Variants in GGA3 observed in about 807,000 individuals in gnomAD.
The protein encoded by GGA3 is ADP-ribosylation factor-binding protein GGA3.
GGA3 carries 57 observed loss-of-function variants against 77.5 expected under a neutral mutation model. That is an observed-to-expected ratio of 0.74 (90% CI 0.59 to 0.92). The LOEUF (loss-of-function observed/expected upper bound fraction) is 0.92. Among genes scored for constraint, GGA3 ranks in the 40% least tolerant of loss-of-function variants. The pLI, the probability that GGA3 is intolerant of heterozygous loss-of-function variation, is 0.00. For missense variants in GGA3, 970 were observed against 914.9 expected (o/e 1.06, Z -0.78); for synonymous variants, 416 against 383.7 (o/e 1.08, Z -0.98).
Position 75,238,185 on chromosome 17 carries a change from G to A in GGA3, c.*94C>T. 1 of 1,534,788 alleles carries A rather than the reference G, an allele frequency of 6.5e-7. No individual in the cohort carries two copies. Among genetic ancestry groups the A allele is most frequent in the South Asian group, 1.3e-5 (1 of 78,632 alleles). On this transcript the variant is annotated 3_prime_UTR_variant, in exon 17 of 17. Coordinates refer to ENST00000537686, the MANE Select transcript of GGA3 (RefSeq NM_138619.4). ...GTTCCACATCAAAGCTACAAGCACT[G>A]TTGTCAGGGCATGGAGAGTGACGGG...
At position 75,251,706 on chromosome 17, in the gene GGA3, C is replaced by CAAAA. The variant is rs35924573; in HGVS notation, c.41-4914_41-4911dup. On this transcript the variant is annotated intron_variant, in intron 1 of 16. Coordinates refer to ENST00000537686, the MANE Select transcript of GGA3 (RefSeq NM_138619.4). Reference sequence around the variant, plus strand: ...GGGCGACTAGAGTGAGACTCCTTCTCAAAAAAAAAAAAAAAAAAAAAAGCA... The same window carrying CAAAA: ...GGGCGACTAGAGTGAGACTCCTTCTCAAAAAAAAAAAAAAAAAAAAAAAAAAGCA... Among the ~76,000 whole-genome samples, 251 of 68,148 alleles carry CAAAA rather than the reference C, an allele frequency of 3.7e-3. 4 individuals are homozygous for CAAAA. Among genetic ancestry groups the CAAAA allele is most frequent in the African/African-American group, 0.013 (245 of 19,574 alleles). 44.7% of individuals were successfully genotyped at this position (68,148 alleles called of 152,430 possible).
upstream of GGA3, chr17:75,261,787 A>C (rs1239000168): frequency 8.1e-6 from 10 of 1,233,636 alleles, no homozygotes; most frequent in Non-Finnish European, 1.1e-5. Flanking sequence ...TAACGTCCAG[A>C]TCAGTGGAGA....
At chr17:75,249,443 T>A (rs2076884824) in intron 1 of GGA3, among the ~76,000 whole-genome samples, 1 of 152,218 alleles carries the variant, frequency 6.6e-6, no homozygotes, top group Non-Finnish European at 1.5e-5. Context: ...GGGAGTTAAA[T>A]GTAATCAAGG....
chr17:75,239,941 G>C lies in GGA3; in HGVS notation c.1431C>G (p.Pro477=), dbSNP rs1157507443. 3 of 1,590,540 alleles carry C rather than the reference G, an allele frequency of 1.9e-6. No homozygotes were observed. The highest frequency in any genetic ancestry group is 2.6e-6 in the Non-Finnish European group (3 of 1,168,944). Residue 477 remains proline (P), a synonymous_variant, in exon 13 of 17, where the codon CCC becomes CCG. Coordinates refer to ENST00000537686, the MANE Select transcript of GGA3 (RefSeq NM_138619.4). ...APVVPASVPA[P]SAGSSLFSTG... The stretch of plus-strand genomic sequence containing the variant: ...TAGAAAACAAGGAGGAGCCCGCACT[G>C]GGGGCAGGAACACTGGCTGGGACCA...
chr17:75,248,685 C>G (rs2076845458), intron 1 of GGA3, among the ~76,000 whole-genome samples: 1 of 151,350 alleles, frequency 6.6e-6, no homozygotes, highest in African/African-American at 2.4e-5. Context: ...ACTCAGGAGG[C>G]TGAGGCAGGA....
At chr17:75,245,892 T>C (rs924684984) in intron 3 of GGA3, among the ~76,000 whole-genome samples, 3 of 152,190 alleles carry the variant, frequency 2.0e-5, no homozygotes, top group Non-Finnish European at 4.4e-5. Flanking sequence ...CCAGATGATA[T>C]TTCCTCTTTT....
In GGA3 at chr17:75,261,602, GC is replaced by G; in HGVS notation, c.-16del. ...GCCTCCGCCATATTGCAGCCGCCCG[GC>G]CCCGCGGCTTCAAAACTCGCGAGAG... On this transcript the variant is annotated 5_prime_UTR_variant, in exon 1 of 17. Coordinates refer to ENST00000537686, the MANE Select transcript of GGA3 (RefSeq NM_138619.4). 6.5e-7 allele frequency: 1 copy of G among 1,541,194 alleles called. No homozygotes were observed. Among genetic ancestry groups the G allele is most frequent in the Non-Finnish European group, 8.7e-7 (1 of 1,144,116 alleles).
upstream of GGA3, chr17:75,262,109 G>A: frequency 1.7e-6 from 2 of 1,150,322 alleles, no homozygotes; most frequent in Non-Finnish European, 2.5e-6. Flanking sequence ...AAGCTTCTAA[G>A]TTAGCTGCGT....
chr17:75,237,125 C>G lies in GGA3; in HGVS notation c.*1154G>C. Reference sequence around the variant, plus strand: ...TGGAGTACATGTCCCAGGATCACATCCAGCAGCTAGAGTGGCTGGGACAAG... The same window carrying G: ...TGGAGTACATGTCCCAGGATCACATGCAGCAGCTAGAGTGGCTGGGACAAG... On this transcript the variant is annotated 3_prime_UTR_variant, in exon 17 of 17. Transcript: ENST00000537686. 2.9e-6 allele frequency: 1 copy of G among 341,852 alleles called. No individual in the cohort carries two copies. The highest frequency in any genetic ancestry group is 4.9e-5 in the South Asian group (1 of 20,574). The allele number at this position is 341,852 out of a possible 1,614,324, so 21.2% of individuals were successfully genotyped here. A position where few individuals can be genotyped will look rare whatever the true frequency, so the allele number is the denominator to read the frequency against.
chr17:75,255,273 T>G (rs2077104625), intron 1 of GGA3, among the ~76,000 whole-genome samples: 1 of 152,082 alleles, frequency 6.6e-6, no homozygotes, highest in Non-Finnish European at 1.5e-5. Flanking sequence ...GGTGCCAACT[T>G]AGACAATACT....
chr17:75,240,607 G>C (rs1377531203), intron 11 of GGA3, 195 bp from the exon 12 acceptor site: 1 of 675,950 alleles, frequency 1.5e-6, no homozygotes, highest in East Asian at 2.7e-5. Flanking sequence ...CCTGTGGGGC[G>C]GGGTGCAGGG....
At chr17:75,239,759 AGCAACCC>A in intron 13 of GGA3, 23 bp downstream of exon 13, 1 of 1,610,038 alleles carries the variant, frequency 6.2e-7, no homozygotes, top group Non-Finnish European at 8.5e-7. Context: ...CCCAACCCTC[AGCAACCC>A]CACATCTCCT....
chr17:75,244,216 C>T (rs992990813), intron 4 of GGA3, among the ~76,000 whole-genome samples: 1 of 152,174 alleles, frequency 6.6e-6, no homozygotes, highest in Non-Finnish European at 1.5e-5. Context: ...AGAGCTGCGC[C>T]ACACCAGCGT....
intron 1 of GGA3, among the ~76,000 whole-genome samples, chr17:75,256,193 T>C (rs2077145778): frequency 1.3e-5 from 2 of 152,128 alleles, no homozygotes; most frequent in African/African-American, 4.8e-5. Context: ...CTTACTGTTT[T>C]AGCCTAGCCC....
rs751018627 is a variant in GGA3 at position 75,246,524 on chromosome 17, C to T, written c.186G>A (p.Ala62=). ...HKIQSPQEWE[A]LQALTVLEAC... is the part of the protein sequence containing the mutation. ...AAGGACCTACCGTCAGGGCCTGGAG[C>T]GCCTCCCATTCCTGTGGGGACTGGA... Residue 62 remains alanine (A), a synonymous_variant, in exon 3 of 17, where the codon GCG becomes GCA. Transcript: ENST00000537686. 3.2e-5 allele frequency: 52 copies of T among 1,610,306 alleles called. No homozygotes were observed. The highest frequency in any genetic ancestry group is 1.0e-4 in the Admixed American group (6 of 59,992).
At chr17:75,259,572 G>T (rs931162900) in intron 1 of GGA3, among the ~76,000 whole-genome samples, 1 of 152,104 alleles carries the variant, frequency 6.6e-6, no homozygotes, top group African/African-American at 2.4e-5. Flanking sequence ...CAGATTACAG[G>T]CAACAGTGGA....
intron 1 of GGA3, among the ~76,000 whole-genome samples, chr17:75,261,017 G>C (rs1245558652): frequency 6.6e-6 from 1 of 152,192 alleles, no homozygotes; most frequent in African/African-American, 2.4e-5. Flanking sequence ...GCTCTCTTTG[G>C]AATATTATTC....
At chr17:75,238,554 C>T (rs2076401660) in intron 16 of GGA3, 98 bp downstream of exon 16, 13 of 1,010,236 alleles carry the variant, frequency 1.3e-5, no homozygotes, top group Admixed American at 4.1e-5. Context: ...GTCAATCCTA[C>T]AGTCAAAACA....
Position 75,237,242 on chromosome 17 carries a change from C to T in GGA3, c.*1037G>A, listed in dbSNP as rs2076350135. 3 of 597,956 alleles carry T rather than the reference C, an allele frequency of 5.0e-6. No individual in the cohort carries two copies. The highest frequency in any genetic ancestry group is 1.9e-5 in the African/African-American group (1 of 53,858). The allele number at this position is 597,956 out of a possible 1,614,324, so 37.0% of individuals were successfully genotyped here. ...CATCACCTCCAGACCCAACATCTCG[C>T]TGACAGTGCCCCTCAGTAGCTGGGG... On this transcript the variant is annotated 3_prime_UTR_variant, in exon 17 of 17. Transcript: ENST00000537686.
Sources: gnomAD v4.1 joint callset for allele counts (sites outside exome capture counted in the v4.1 genomes callset) on GRCh38, gnomAD v4.1.1 for gene constraint, MANE v1.5 for transcripts, NCBI Gene and HGNC (gene_info 2026-07-23, HGNC 2026-07-21) for gene names.